The following NFIC variants were observed in gnomAD, a reference collection of about 807,000 sequenced individuals.
NFIC encodes the protein nuclear factor 1 C-type.
In NFIC, 12 loss-of-function variants were observed where a neutral mutation model predicts 54.4. That is an observed-to-expected ratio of 0.22 (90% CI 0.14 to 0.36). The LOEUF is 0.36. Among genes scored for constraint, NFIC ranks in the 10% least tolerant of loss-of-function variants. The pLI is 1.00. For synonymous variants in NFIC, 322 were observed against 319.2 expected, an observed-to-expected ratio of 1.01 and a Z score of -0.09; for missense variants, 575 against 718.2, an observed-to-expected ratio of 0.80 and a Z score of 2.28.
chr19:3,435,746 G>A (rs2082190791), intron 6 of NFIC, among the ~76,000 whole-genome samples: 1 of 152,016 alleles, frequency 6.6e-6, no homozygotes, highest in Admixed American at 6.6e-5. Context: ...TTCCCATGGC[G>A]TCGTTTTCTA....
In NFIC at chr19:3,459,376, T is replaced by C. The variant is rs949207197; in HGVS notation, c.1509+2741T>C. On this transcript the variant is annotated intron_variant, in intron 10 of 10. Transcript: ENST00000443272. This position sits in a 1 kb window ranked among gnomAD's most constrained non-coding sequence, Gnocchi z 4.2. ...GTGAGGCTGGGTGGCTCTGACGCCC[T>C]GGCCCCTCCCCTCTGTGATGTCCTT... Among the ~76,000 whole-genome samples, 1 of 152,058 alleles carries C rather than the reference T, an allele frequency of 6.6e-6. No homozygotes were observed. Among genetic ancestry groups the C allele is most frequent in the Admixed American group, 6.5e-5 (1 of 15,274 alleles).
In NFIC at chr19:3,379,017, A is replaced by G. The variant is rs561231301; in HGVS notation, c.31-2695A>G. Among the ~76,000 whole-genome samples, 29 of 152,122 alleles carry G rather than the reference A, an allele frequency of 1.9e-4. No individual in the cohort carries two copies. In the East Asian group the frequency reaches 5.6e-3, roughly 29 times the overall value. On this transcript the variant is annotated intron_variant, in intron 1 of 10. Transcript: ENST00000443272. ...GGATCTCAGCCAGGCCTGTCTGTAC[A>G]TATGCTCTGTAGGAACAAGCTTTCG...
In NFIC at chr19:3,468,300, C is replaced by T. The variant is rs1256307102; in HGVS notation, c.*5531C>T. ...GCCCCGGAGGGGAAGTCATGCACCCCCAAGCCACCACCCCCCAGCCTTCCA... is the reference window on the plus strand; with the variant it reads ...GCCCCGGAGGGGAAGTCATGCACCCTCAAGCCACCACCCCCCAGCCTTCCA... On this transcript the variant is annotated 3_prime_UTR_variant, in exon 11 of 11. Transcript: ENST00000443272. 1 of 151,986 alleles carries T rather than the reference C, an allele frequency of 6.6e-6. No individual in the cohort carries two copies. The allele number at this position is 151,986 out of a possible 1,614,324, so 9.4% of individuals were successfully genotyped here.
chr19:3,445,152 C>T (rs137919054), intron 6 of NFIC, among the ~76,000 whole-genome samples: 115 of 150,412 alleles, frequency 7.6e-4, no homozygotes, highest in Middle Eastern at 6.8e-3. Context: ...TGTGCACATG[C>T]GTGCAGGCAT....
intron 2 of NFIC, among the ~76,000 whole-genome samples, chr19:3,417,809 T>C (rs2081889515): frequency 7.8e-6 from 1 of 127,758 alleles, no homozygotes; most frequent in African/African-American, 2.8e-5. Flanking sequence ...TTTTTTTTTG[T>C]ATTTTTTTTT....
At chr19:3,361,397 C>T (rs1172015739) in intron 1 of NFIC, among the ~76,000 whole-genome samples, 2 of 152,148 alleles carry the variant, frequency 1.3e-5, no homozygotes, top group Admixed American at 6.5e-5. Flanking sequence ...CGGGACTGGT[C>T]CCGCAGTCCC....
At chr19:3,417,175 A>G (rs148534928) in intron 2 of NFIC, among the ~76,000 whole-genome samples, 7,428 of 151,930 alleles carry the variant, frequency 0.049, 217 homozygotes, top group South Asian at 0.078. Context: ...GTGTGCCACC[A>G]CGCCTGGCCT....
At chr19:3,385,894 A>G (rs2081288883) in intron 2 of NFIC, among the ~76,000 whole-genome samples, 1 of 151,532 alleles carries the variant, frequency 6.6e-6, no homozygotes, top group Non-Finnish European at 1.5e-5. Flanking sequence ...TTTTGCAGAG[A>G]TGGGGTATCA....
At position 3,432,666 on chromosome 19, in the gene NFIC, C is replaced by T. The variant is rs570149343; in HGVS notation, c.635-852C>T. Among the ~76,000 whole-genome samples the T allele has an allele frequency of 1.5e-4, 21 of 143,086 alleles. No homozygotes were observed. The East Asian group carries it at 2.4e-3, about 16-fold the overall frequency. The allele number at this position is 143,086 out of a possible 152,430, so 93.9% of individuals were successfully genotyped here. ...GATGTGAGCCCAGGCCTCCGCTTTC[C>T]GCTCTTTTTTTTTTTTTTTTTTGAG... On this transcript the variant is annotated intron_variant, in intron 3 of 10. Coordinates refer to ENST00000443272, the MANE Select transcript of NFIC (RefSeq NM_001245002.2).
chr19:3,454,036 G>A (rs1599722909), intron 9 of NFIC, 120 bp downstream of exon 9: 2 of 1,384,322 alleles, frequency 1.4e-6, no homozygotes, highest in Non-Finnish European at 1.9e-6. Flanking sequence ...GGCGAGTTTG[G>A]TGGGTCTCCG....
At chr19:3,404,461 G>A (rs1313865475) in intron 2 of NFIC, among the ~76,000 whole-genome samples, 1 of 152,156 alleles carries the variant, frequency 6.6e-6, no homozygotes, top group African/African-American at 2.4e-5. Context: ...GCGCGGGTGG[G>A]CGCTTGGCAA....
chr19:3,432,303 T>C (rs2082132313), intron 3 of NFIC, among the ~76,000 whole-genome samples: 1 of 152,134 alleles, frequency 6.6e-6, no homozygotes, highest in Non-Finnish European at 1.5e-5. Flanking sequence ...TAACTGCGGC[T>C]TGTGGGCCTC....
chr19:3,368,943 G>GTGTGTGTGTGTC (rs1568397058), intron 1 of NFIC, among the ~76,000 whole-genome samples: 2 of 138,734 alleles, frequency 1.4e-5, no homozygotes, highest in South Asian at 2.4e-4. Flanking sequence ...GTGTGTGTGT[G>GTGTGTGTGTGTC]TGTGTCTGTT....
At position 3,441,259 on chromosome 19, in the gene NFIC, G is replaced by A. The variant is rs116325737; in HGVS notation, c.958+6052G>A. Among the ~76,000 whole-genome samples, 863 of 152,366 alleles carry A rather than the reference G, an allele frequency of 5.7e-3. 9 individuals are homozygous for A. The highest frequency in any genetic ancestry group is 0.02 in the African/African-American group (817 of 41,590). The stretch of plus-strand genomic sequence containing the variant: ...CAGGTCACCCCAGCGGCAAGCGGGT[G>A]CACAGGGACACGGAACCACGTGGCC... On this transcript the variant is annotated intron_variant, in intron 6 of 10. Coordinates refer to ENST00000443272, the MANE Select transcript of NFIC (RefSeq NM_001245002.2).
chr19:3,439,191 A>G (rs1455360990), intron 6 of NFIC, among the ~76,000 whole-genome samples: 1 of 150,516 alleles, frequency 6.6e-6, no homozygotes, highest in Non-Finnish European at 1.5e-5. Context: ...AAAAAATAGC[A>G]TCACATAGTG....
intron 2 of NFIC, among the ~76,000 whole-genome samples, chr19:3,420,811 C>T (rs2081942620): frequency 6.6e-6 from 1 of 151,998 alleles, no homozygotes; most frequent in African/African-American, 2.4e-5. Context: ...CAAAATCCGC[C>T]TCCCGAGTTC....
chr19:3,366,563 G>GGGGGGGGGGT, upstream of NFIC: 1 of 782,874 alleles, frequency 1.3e-6, no homozygotes, highest in South Asian at 2.0e-5. Context: ...GGGCGGGGGG[G>GGGGGGGGGGT]TGGTTTGGAA....
At chr19:3,377,565 C>A (rs1265092032) in intron 1 of NFIC, among the ~76,000 whole-genome samples, 1 of 151,896 alleles carries the variant, frequency 6.6e-6, no homozygotes, top group Non-Finnish European at 1.5e-5. Context: ...TTTATTCCAC[C>A]TTGAGGCTGA....
Position 3,452,740 on chromosome 19 carries a change from G to A in NFIC, c.1269+74G>A, listed in dbSNP as rs1156778318. ...CCTCCCGGGGGCCACGTGCTCACAC[G>A]AAGGCACAACCTCTGCTTAAAAGGG... On this transcript the variant is annotated intron_variant, in intron 8 of 10. Transcript: ENST00000443272. The surrounding 1 kb of genome is among the most constrained non-coding windows in gnomAD (Gnocchi z 5.3). 13 of 1,498,678 alleles carry A rather than the reference G, an allele frequency of 8.7e-6. No homozygotes were observed. The highest frequency in any genetic ancestry group is 4.1e-5 in the Admixed American group (2 of 48,714). 92.8% of individuals were successfully genotyped at this position (1,498,678 alleles called of 1,614,324 possible). A position where few individuals can be genotyped will look rare whatever the true frequency, so the allele number is the denominator to read the frequency against.
Sources: gnomAD v4.1 joint callset for allele counts (sites outside exome capture counted in the v4.1 genomes callset) on GRCh38, gnomAD v4.1.1 for gene constraint, Gnocchi (gnomAD v3.1) non-coding constraint, MANE v1.5 for transcripts, NCBI Gene and HGNC (gene_info 2026-07-23, HGNC 2026-07-21) for gene names.